The following KCNMA1 variants were observed in gnomAD, a reference collection of about 807,000 sequenced individuals.
KCNMA1 encodes Calcium-activated potassium channel subunit alpha-1.
A neutral mutation model predicts 140.0 loss-of-function variants in KCNMA1; 29 were observed. That is an observed-to-expected ratio of 0.21 (90% CI 0.15 to 0.28). The LOEUF (loss-of-function observed/expected upper bound fraction) is 0.28. Ranked by LOEUF, KCNMA1 falls within the 10% of genes least tolerant of loss-of-function variation. The pLI, the probability that KCNMA1 is intolerant of heterozygous loss-of-function variation, is 1.00. For synonymous variants in KCNMA1, 612 were observed against 611.9 expected (o/e 1.00, Z 0.00); for missense variants, 880 against 1,602.2 (o/e 0.55, Z 7.70).
chr10:76,925,911 C>A (rs911907404), intron 23 of KCNMA1, among the ~76,000 whole-genome samples: 1 of 152,186 alleles, frequency 6.6e-6, no homozygotes, highest in Non-Finnish European at 1.5e-5. Context: ...AAAGCAGAAT[C>A]GCATCAACAA....
chr10:77,066,852 T>C (rs1415011516), intron 14 of KCNMA1, among the ~76,000 whole-genome samples: 1 of 152,138 alleles, frequency 6.6e-6, no homozygotes, highest in Non-Finnish European at 1.5e-5. Flanking sequence ...GTACCACTAG[T>C]TGTTCTTTCC....
intron 2 of KCNMA1, among the ~76,000 whole-genome samples, chr10:77,277,676 A>C (rs560395123): frequency 6.6e-6 from 1 of 152,310 alleles, no homozygotes; most frequent in East Asian, 1.9e-4. Flanking sequence ...TCTACATCAA[A>C]GTCGATGCAA....
intron 17 of KCNMA1, 113 bp from the exon 18 acceptor site, chr10:77,012,156 C>T: frequency 6.3e-7 from 1 of 1,578,818 alleles, no homozygotes. Flanking sequence ...GCATTAATTT[C>T]CTTTAATCTT....
At chr10:76,873,806 C>T (rs1277218762), downstream of KCNMA1, 1 of 151,964 alleles carries the variant, frequency 6.6e-6, no homozygotes, top group Non-Finnish European at 1.5e-5. Flanking sequence ...CAATGAAACA[C>T]AATAGATTAA....
intron 19 of KCNMA1, among the ~76,000 whole-genome samples, chr10:76,974,788 T>G (rs2077011024): frequency 6.6e-6 from 1 of 152,182 alleles, no homozygotes; most frequent in African/African-American, 2.4e-5. Flanking sequence ...GTAGGGATAA[T>G]ACTTCTGGAA....
At chr10:77,446,087 T>C (rs187332079) in intron 1 of KCNMA1, among the ~76,000 whole-genome samples, 69 of 151,000 alleles carry the variant, frequency 4.6e-4, no homozygotes, top group African/African-American at 1.7e-3. Context: ...CTGAAACCTC[T>C]CTCCCTGAAA....
chr10:77,566,079 G>C (rs770351044), intron 1 of KCNMA1, among the ~76,000 whole-genome samples: 78 of 147,540 alleles, frequency 5.3e-4, no homozygotes, highest in Admixed American at 9.5e-4. Context: ...AGATCAGGCA[G>C]CAGTGATAGG....
At chr10:77,613,653 T>A (rs1264738313) in intron 1 of KCNMA1, among the ~76,000 whole-genome samples, 1 of 152,172 alleles carries the variant, frequency 6.6e-6, no homozygotes, top group East Asian at 1.9e-4. Context: ...AAAACTATAA[T>A]CACTCTGTTC....
At chr10:77,341,585 T>G (rs898359024) in intron 2 of KCNMA1, among the ~76,000 whole-genome samples, 1 of 152,070 alleles carries the variant, frequency 6.6e-6, no homozygotes, top group Middle Eastern at 3.2e-3. Context: ...TAGACGTGGG[T>G]CCCCCAGATC....
chr10:76,907,429 C>A (rs2048246261), intron 25 of KCNMA1, among the ~76,000 whole-genome samples: 1 of 152,198 alleles, frequency 6.6e-6, no homozygotes, highest in Non-Finnish European at 1.5e-5. Flanking sequence ...AAAAGAAGTT[C>A]TCCAGTGCTC....
intron 2 of KCNMA1, among the ~76,000 whole-genome samples, chr10:77,344,108 T>G (rs1357340689): frequency 6.6e-6 from 1 of 152,184 alleles, no homozygotes. Flanking sequence ...CATCCCTTAG[T>G]GCCTCATGTC....
chr10:77,290,732 A>T (rs2072927081), intron 2 of KCNMA1, among the ~76,000 whole-genome samples: 1 of 152,172 alleles, frequency 6.6e-6, no homozygotes, highest in African/African-American at 2.4e-5. Context: ...GGTACCTCTG[A>T]AAAAAACAAA....
chr10:76,987,456 G>A (rs893284672), intron 19 of KCNMA1, among the ~76,000 whole-genome samples: 2 of 152,290 alleles, frequency 1.3e-5, no homozygotes, highest in Middle Eastern at 3.4e-3. Context: ...AATATTTTGA[G>A]CTTTCTGGGC....
rs55980403 is a variant in KCNMA1, at chr10:77,067,999, A to C, written c.1749+5098T>G. 1.5e-3 allele frequency among the ~76,000 whole-genome samples: 225 copies of C among 152,326 alleles called. 1 individual carries two copies. Among genetic ancestry groups the C allele is most frequent in the African/African-American group, 5.0e-3 (209 of 41,568 alleles). Reference sequence around the variant, plus strand: ...GTGCTAAGATGATGGCACTAGCTAAAGTTTTCCCTTATCGTTTCTCACATT... The same window carrying C: ...GTGCTAAGATGATGGCACTAGCTAACGTTTTCCCTTATCGTTTCTCACATT... On this transcript the variant is annotated intron_variant, in intron 14 of 27. Transcript: ENST00000286628.
intron 14 of KCNMA1, among the ~76,000 whole-genome samples, chr10:77,064,403 CA>C (rs2095859408): frequency 1.3e-5 from 2 of 152,292 alleles, no homozygotes; most frequent in South Asian, 2.1e-4. Flanking sequence ...AAAGGAGTTT[CA>C]ACTTCTTTTA....
chr10:77,488,640 A>G (rs2098491269), intron 1 of KCNMA1, among the ~76,000 whole-genome samples: 1 of 152,052 alleles, frequency 6.6e-6, no homozygotes, highest in African/African-American at 2.4e-5. Context: ...CTGTATTAGG[A>G]ACAACCGCCC....
intron 2 of KCNMA1, among the ~76,000 whole-genome samples, chr10:77,332,099 T>C (rs142826208): frequency 1.1e-3 from 169 of 152,090 alleles, no homozygotes; most frequent in African/African-American, 4.0e-3. Context: ...CAGCCCATTG[T>C]GGGAGACAGA....
chr10:77,147,488 G>A (rs2098327359), intron 5 of KCNMA1, among the ~76,000 whole-genome samples: 1 of 151,608 alleles, frequency 6.6e-6, no homozygotes, highest in South Asian at 2.1e-4. Context: ...CTCTAATTCA[G>A]CCCATTCTTC....
chr10:76,960,294 T>C (rs764464928), intron 20 of KCNMA1, among the ~76,000 whole-genome samples: 7 of 152,188 alleles, frequency 4.6e-5, no homozygotes, highest in Middle Eastern at 3.4e-3. Context: ...AATCTCAGCA[T>C]TTTGGAGGGC....
Sources: allele counts gnomAD v4.1 joint callset (sites outside exome capture counted in the v4.1 genomes callset), GRCh38; gene constraint gnomAD v4.1.1; transcripts MANE v1.5; gene names NCBI Gene and HGNC (gene_info 2026-07-23, HGNC 2026-07-21).